Variants in ATG7 observed in about 807,000 individuals in gnomAD.
ATG7 encodes ubiquitin-like modifier-activating enzyme ATG7.
A neutral mutation model predicts 82.4 loss-of-function variants in ATG7; 70 were observed. The ratio of observed to expected loss-of-function variants is 0.85; its 90% CI spans 0.70 to 1.04. The LOEUF (loss-of-function observed/expected upper bound fraction) is 1.04. ATG7 is among the 50% of genes least tolerant of loss of function. ATG7 has a pLI of 0.00. For missense variants in ATG7, 792 were observed against 864.3 expected (o/e 0.92, Z 1.05); for synonymous variants, 287 against 313.0 (o/e 0.92, Z 0.88).
intron 20 of ATG7, among the ~76,000 whole-genome samples, chr3:11,542,031 G>A (rs2070872560): frequency 6.6e-6 from 1 of 152,252 alleles, no homozygotes; most frequent in African/African-American, 2.4e-5. Context: ...ACAAGCCTGG[G>A]GCCCGTGCCC....
At chr3:11,446,103 C>T (rs2152976714) in intron 20 of ATG7, among the ~76,000 whole-genome samples, 1 of 151,660 alleles carries the variant, frequency 6.6e-6, no homozygotes, top group Non-Finnish European at 1.5e-5. Context: ...GTCAGAGTCC[C>T]ACACCTCTGG....
chr3:11,517,341 A>C (rs1193887158), intron 20 of ATG7, among the ~76,000 whole-genome samples: 2 of 104,774 alleles, frequency 1.9e-5, no homozygotes, highest in Admixed American at 1.9e-4. Context: ...CTCCACCTCA[A>C]AAAAAAAAAA....
chr3:11,559,551 T>C, downstream of ATG7: 1 of 1,413,520 alleles, frequency 7.1e-7, no homozygotes, highest in Non-Finnish European at 9.3e-7. Flanking sequence ...TCTGTCCTGG[T>C]GCCCTTCCTG....
At chr3:11,286,915 A>G (rs947069612) in intron 3 of ATG7, among the ~76,000 whole-genome samples, 1 of 148,382 alleles carries the variant, frequency 6.7e-6, no homozygotes, top group Non-Finnish European at 1.5e-5. Context: ...TTTTTTTATT[A>G]TTATTATTAT....
At chr3:11,516,995 G>A (rs146059918) in intron 20 of ATG7, among the ~76,000 whole-genome samples, 2 of 151,632 alleles carry the variant, frequency 1.3e-5, no homozygotes, top group East Asian at 1.9e-4. Context: ...AGGCAGGAGA[G>A]TCACTTGAAC....
At chr3:11,275,324 G>A (rs900231959) in intron 1 of ATG7, among the ~76,000 whole-genome samples, 3 of 151,190 alleles carry the variant, frequency 2.0e-5, no homozygotes, top group South Asian at 2.1e-4. Flanking sequence ...AATGACGTTC[G>A]CTAATGTCTT....
chr3:11,490,571 G>A (rs1308805549), intron 20 of ATG7, among the ~76,000 whole-genome samples: 3 of 152,276 alleles, frequency 2.0e-5, no homozygotes, highest in Non-Finnish European at 2.9e-5. Flanking sequence ...TAGCCTCCAT[G>A]GTCTTTACAA....
chr3:11,294,763 C>G (rs757074981), intron 3 of ATG7, among the ~76,000 whole-genome samples: 1 of 152,122 alleles, frequency 6.6e-6, no homozygotes, highest in Non-Finnish European at 1.5e-5. Flanking sequence ...CTTCTCTTAT[C>G]GAATCTTCTT....
chr3:11,501,465 C>A (rs988466362), intron 20 of ATG7, among the ~76,000 whole-genome samples: 2 of 152,014 alleles, frequency 1.3e-5, no homozygotes, highest in African/African-American at 4.8e-5. Context: ...TACAGTGTTA[C>A]ATTTAGAAAG....
At position 11,367,862 on chromosome 3, in the gene ATG7, T is replaced by TA. The variant is rs565934884; in HGVS notation, c.1875+3136dup. Among the ~76,000 whole-genome samples the TA allele has an allele frequency of 1.4e-4, 21 of 151,498 alleles. No homozygotes were observed. In the South Asian group the frequency reaches 3.5e-3, roughly 26 times the overall value. On this transcript the variant is annotated intron_variant, in intron 18 of 20. Transcript: ENST00000693202. ...AATTTCTGTCTATAAAAAGAATGATTAAAAAAAATCATTTTGTTGATGTGT... is the reference window on the plus strand; with the variant it reads ...AATTTCTGTCTATAAAAAGAATGATTAAAAAAAAATCATTTTGTTGATGTGT...
At chr3:11,511,016 T>C (rs1468584116) in intron 20 of ATG7, among the ~76,000 whole-genome samples, 1 of 152,154 alleles carries the variant, frequency 6.6e-6, no homozygotes, top group Non-Finnish European at 1.5e-5. Flanking sequence ...AGTTTCTTCC[T>C]TCTGGTGGGT....
intron 1 of ATG7, among the ~76,000 whole-genome samples, chr3:11,274,034 C>G (rs1039234014): frequency 1.3e-5 from 2 of 152,114 alleles, no homozygotes; most frequent in African/African-American, 4.8e-5. Flanking sequence ...CACCTATAGC[C>G]CTTTGCTTCT....
At chr3:11,528,800 T>G (rs1173225720) in intron 20 of ATG7, among the ~76,000 whole-genome samples, 1 of 125,638 alleles carries the variant, frequency 8.0e-6, no homozygotes, top group African/African-American at 3.1e-5. Flanking sequence ...CACTCCAGCA[T>G]GGGCGACAGA....
chr3:11,340,616 A>G (rs1953396866), intron 11 of ATG7, 29 bp from the exon 12 acceptor site: 7 of 1,591,598 alleles, frequency 4.4e-6, no homozygotes, highest in Admixed American at 1.7e-5. Context: ...TCCCTCCTTC[A>G]TTAAACTTTG....
At chr3:11,373,274 T>C (rs1347787950) in intron 18 of ATG7, among the ~76,000 whole-genome samples, 1 of 152,214 alleles carries the variant, frequency 6.6e-6, no homozygotes, top group Non-Finnish European at 1.5e-5. Context: ...TTAATTTAAA[T>C]GTTAATTTAA....
At chr3:11,314,487 A>G (rs1949119500) in intron 8 of ATG7, among the ~76,000 whole-genome samples, 1 of 152,142 alleles carries the variant, frequency 6.6e-6, no homozygotes, top group Non-Finnish European at 1.5e-5. Context: ...ATAAGTAAGG[A>G]AAAAGGATTT....
At chr3:11,545,349 C>T (rs75075577) in intron 20 of ATG7, among the ~76,000 whole-genome samples, 2 of 152,202 alleles carry the variant, frequency 1.3e-5, no homozygotes, top group East Asian at 3.9e-4. Flanking sequence ...CTTATGGACA[C>T]CCCAGAAGAA....
At chr3:11,512,834 C>A (rs1220822202) in intron 20 of ATG7, among the ~76,000 whole-genome samples, 2 of 152,204 alleles carry the variant, frequency 1.3e-5, no homozygotes, top group Admixed American at 6.5e-5. Context: ...TGGCCCCACC[C>A]ACATCCTGCT....
intron 3 of ATG7, among the ~76,000 whole-genome samples, chr3:11,287,352 G>C (rs2152662608): frequency 6.6e-6 from 1 of 152,344 alleles, no homozygotes; most frequent in African/African-American, 2.4e-5. Flanking sequence ...GAGCTGCTCT[G>C]TGAATGCCAG....
Sources: allele counts gnomAD v4.1 joint callset (sites outside exome capture counted in the v4.1 genomes callset), GRCh38; gene constraint gnomAD v4.1.1; transcripts MANE v1.5; gene names NCBI Gene and HGNC (gene_info 2026-07-23, HGNC 2026-07-21).